Variants in ZC3H18 observed in about 807,000 individuals in gnomAD.
ZC3H18 encodes the protein zinc finger CCCH domain-containing protein 18.
ZC3H18 carries 8 observed loss-of-function variants against 106.1 expected under a neutral mutation model. The ratio of observed to expected loss-of-function variants is 0.08; its 90% CI spans 0.04 to 0.14. The LOEUF is 0.14. Among genes scored for constraint, ZC3H18 ranks in the 10% least tolerant of loss-of-function variants. The pLI is 1.00. For missense variants in ZC3H18, 1,318 were observed against 1,278.4 expected, an observed-to-expected ratio of 1.03 and a Z score of -0.47; for synonymous variants, 635 against 522.1, an observed-to-expected ratio of 1.22 and a Z score of -2.95.
intron 3 of ZC3H18, 106 bp downstream of exon 3, chr16:88,586,790 T>C (rs779109240): frequency 9.8e-6 from 8 of 814,280 alleles, no homozygotes; most frequent in Non-Finnish European, 1.7e-5. Flanking sequence ...AAGGCAGTTC[T>C]CTGGGCATTA....
At chr16:88,581,459 A>C (rs1915123995) in intron 2 of ZC3H18, among the ~76,000 whole-genome samples, 1 of 152,210 alleles carries the variant, frequency 6.6e-6, no homozygotes, top group Admixed American at 6.5e-5. Context: ...GCTTGTGCCT[A>C]AGGCCTTGAA....
chr16:88,611,158 G>T (rs1905250369), intron 7 of ZC3H18, 110 bp from the exon 8 acceptor site: 1 of 687,794 alleles, frequency 1.5e-6, no homozygotes, highest in Admixed American at 2.3e-5. Context: ...TGGGGTACAG[G>T]TGTGATTCTG....
chr16:88,592,613 T>C (rs951202821), intron 3 of ZC3H18, among the ~76,000 whole-genome samples: 2 of 152,202 alleles, frequency 1.3e-5, no homozygotes, highest in Non-Finnish European at 2.9e-5. Flanking sequence ...TAGCTGAGAT[T>C]ACAGGCGCAT....
At chr16:88,581,339 C>T (rs1196099315) in intron 2 of ZC3H18, among the ~76,000 whole-genome samples, 2 of 152,146 alleles carry the variant, frequency 1.3e-5, no homozygotes, top group African/African-American at 4.8e-5. Flanking sequence ...GGGCACATGT[C>T]CCTTTTAGAT....
At chr16:88,588,035 G>A (rs1270218750) in intron 3 of ZC3H18, among the ~76,000 whole-genome samples, 2 of 152,234 alleles carry the variant, frequency 1.3e-5, no homozygotes, top group Non-Finnish European at 2.9e-5. Flanking sequence ...GAGCCTGTGA[G>A]GGCAGCAGAC....
At chr16:88,581,081 C>T (rs1305854347) in intron 2 of ZC3H18, among the ~76,000 whole-genome samples, 1 of 152,224 alleles carries the variant, frequency 6.6e-6, no homozygotes, top group African/African-American at 2.4e-5. Flanking sequence ...CTACTGGATA[C>T]CTGGAAGGAT....
At chr16:88,586,403 T>C (rs1165355027) in intron 2 of ZC3H18, among the ~76,000 whole-genome samples, 197 bp from the exon 3 acceptor site, 1 of 152,168 alleles carries the variant, frequency 6.6e-6, no homozygotes, top group Admixed American at 6.5e-5. Context: ...TGTGGCGGGA[T>C]GCTTAGAGCT....
intron 3 of ZC3H18, among the ~76,000 whole-genome samples, chr16:88,594,987 A>G (rs555625823): frequency 6.6e-6 from 1 of 152,308 alleles, no homozygotes; most frequent in South Asian, 2.1e-4. Flanking sequence ...CCTCGTTTCT[A>G]CTAAAAATAC....
Position 88,630,507 on chromosome 16 carries a change from T to G in ZC3H18, c.2589T>G (p.Gly863=), listed in dbSNP as rs201033811. Reference sequence around the variant, plus strand: ...CAGGTTCTCGGGACCGGAAGTCAGGTGGGAGACTGGGCTCCCCGAAGCCAG... The same window carrying G: ...CAGGTTCTCGGGACCGGAAGTCAGGGGGGAGACTGGGCTCCCCGAAGCCAG... ...PDRGSRDRKS[G]GRLGSPKPER... The change falls in exon 17 of 18, where the codon GGT becomes GGG. Residue 863 remains glycine, a synonymous_variant. Coordinates refer to ENST00000301011, the MANE Select transcript of ZC3H18 (RefSeq NM_144604.4). The G allele has an allele frequency of 2.9e-5, 46 of 1,613,390 alleles. No homozygotes were observed. The East Asian group carries it at 9.4e-4, about 33-fold the overall frequency.
chr16:88,576,941 G>C (rs1210321376), intron 1 of ZC3H18, among the ~76,000 whole-genome samples, 169 bp from the exon 2 acceptor site: 1 of 152,204 alleles, frequency 6.6e-6, no homozygotes, highest in East Asian at 1.9e-4. Context: ...TAGCCTTGTG[G>C]AGTGGAGTTA....
intron 16 of ZC3H18, 78 bp downstream of exon 16, chr16:88,628,932 A>G (rs1334805656): frequency 2.8e-6 from 4 of 1,422,216 alleles, no homozygotes; most frequent in South Asian, 1.2e-5. Flanking sequence ...CTGAGACCCC[A>G]TTGCTCTTAA....
rs572641745 is a variant in ZC3H18, at chr16:88,589,223, G to A, written c.688+2539G>A. The stretch of plus-strand genomic sequence containing the variant: ...GTTGGAGCCCTCATTCACTGCTCGT[G>A]AGAGGGTAAAACGGTGCAGCTGCTT... On this transcript the variant is annotated intron_variant, in intron 3 of 17. Coordinates refer to ENST00000301011, the MANE Select transcript of ZC3H18 (RefSeq NM_144604.4). Among the ~76,000 whole-genome samples, 7 of 152,352 alleles carry A rather than the reference G, an allele frequency of 4.6e-5. No homozygotes were observed. In the East Asian group the frequency reaches 1.3e-3, roughly 29 times the overall value.
At position 88,599,992 on chromosome 16, in the gene ZC3H18, C is replaced by T. The variant is rs200022411; in HGVS notation, c.1088+44C>T. ...TGCCCCTCCGTTTCCTTCCTGCATG[C>T]GGCCACGCTCCGGAGAGAGCAGCCA... On this transcript the variant is annotated intron_variant, in intron 6 of 17. Transcript: ENST00000301011. The T allele has an allele frequency of 2.8e-5, 45 of 1,604,930 alleles. No individual in the cohort carries two copies. The Admixed American group carries it at 2.9e-4, about 10-fold the overall frequency.
At chr16:88,618,670 C>A (rs1355031400) in intron 8 of ZC3H18, among the ~76,000 whole-genome samples, 2 of 152,168 alleles carry the variant, frequency 1.3e-5, no homozygotes, top group African/African-American at 4.8e-5. Context: ...GTGGAGCTGA[C>A]CTTTGCCCCT....
At position 88,611,152 on chromosome 16, in the gene ZC3H18, G is replaced by A. The variant is rs557445136; in HGVS notation, c.1207-116G>A. ...GGCGTTTTGTGTGTAGGTTTGTGGG[G>A]TACAGGTGTGATTCTGTGACACAGA... On this transcript the variant is annotated intron_variant, in intron 7 of 17. Transcript: ENST00000301011. 5.5e-4 allele frequency: 376 copies of A among 686,184 alleles called. 2 individuals carry two copies. The African/African-American group carries it at 5.7e-3, about 10-fold the overall frequency. The allele number at this position is 686,184 out of a possible 1,614,324, so 42.5% of individuals were successfully genotyped here.
chr16:88,590,412 C>T (rs923133101), intron 3 of ZC3H18, among the ~76,000 whole-genome samples: 1 of 152,188 alleles, frequency 6.6e-6, no homozygotes, highest in Admixed American at 6.5e-5. Flanking sequence ...CCCGGCTCCA[C>T]AGCACATACA....
At chr16:88,601,335 T>C (rs1025250920) in intron 6 of ZC3H18, among the ~76,000 whole-genome samples, 2 of 152,218 alleles carry the variant, frequency 1.3e-5, no homozygotes, top group Non-Finnish European at 2.9e-5. Flanking sequence ...TTGTTAGATG[T>C]GGATATCGTC....
chr16:88,624,427 T>C (rs1906164479), intron 11 of ZC3H18, 175 bp from the exon 12 acceptor site: 1 of 1,054,070 alleles, frequency 9.5e-7, no homozygotes, highest in Non-Finnish European at 1.4e-6. Context: ...TTTGAAGCCG[T>C]TCCCAAGCAC....
chr16:88,578,470 G>A (rs1247205965), intron 2 of ZC3H18, among the ~76,000 whole-genome samples: 2 of 152,008 alleles, frequency 1.3e-5, no homozygotes, highest in African/African-American at 4.8e-5. Context: ...GATACTTGCC[G>A]GAGCTATTGA....
Sources: allele counts gnomAD v4.1 joint callset (sites outside exome capture counted in the v4.1 genomes callset), GRCh38; gene constraint gnomAD v4.1.1; transcripts MANE v1.5; gene names NCBI Gene and HGNC (gene_info 2026-07-23, HGNC 2026-07-21).